The following WWOX variants were observed in gnomAD, a reference collection of about 807,000 sequenced individuals.
WWOX encodes the protein WW domain containing oxidoreductase.
WWOX carries 69 observed loss-of-function variants against 46.2 expected under a neutral mutation model. The observed-to-expected ratio is 1.49, with a 90% confidence interval of 1.23 to 1.82. The LOEUF (loss-of-function observed/expected upper bound fraction) is 1.82. Among genes scored for constraint, WWOX ranks in the 40% most tolerant of loss-of-function variants. WWOX has a pLI of 0.00. For synonymous variants in WWOX, 359 were observed against 202.6 expected, an observed-to-expected ratio of 1.77 and a Z score of -6.56; for missense variants, 919 against 542.6, an observed-to-expected ratio of 1.69 and a Z score of -6.89.
chr16:78,310,410 A>G (rs1427753120), intron 5 of WWOX, among the ~76,000 whole-genome samples: 2 of 152,252 alleles, frequency 1.3e-5, no homozygotes, highest in African/African-American at 4.8e-5. Flanking sequence ...AATAACAAAC[A>G]CATGCTGATT....
intron 8 of WWOX, among the ~76,000 whole-genome samples, chr16:78,750,740 C>T (rs376976990): frequency 1.2e-4 from 18 of 152,078 alleles, no homozygotes; most frequent in South Asian, 6.2e-4. Context: ...TAAGAACATG[C>T]GGTATTTGGT....
At chr16:78,584,923 C>T (rs528519745) in intron 8 of WWOX, among the ~76,000 whole-genome samples, 7 of 152,184 alleles carry the variant, frequency 4.6e-5, no homozygotes, top group South Asian at 2.1e-4. Context: ...ATTTTTCTCC[C>T]GCCTCGGTCA....
At chr16:78,281,724 C>A (rs1048251433) in intron 5 of WWOX, among the ~76,000 whole-genome samples, 4 of 151,750 alleles carry the variant, frequency 2.6e-5, no homozygotes, top group African/African-American at 7.3e-5. Flanking sequence ...ATTATTCTTT[C>A]CCCCCCGCCC....
intron 8 of WWOX, among the ~76,000 whole-genome samples, chr16:79,102,572 A>G (rs2049223349): frequency 6.6e-6 from 1 of 152,244 alleles, no homozygotes; most frequent in Admixed American, 6.5e-5. Context: ...GAAGCTCAAT[A>G]TATAGCAAAC....
At chr16:78,718,338 CA>C (rs963720589) in intron 8 of WWOX, among the ~76,000 whole-genome samples, 1 of 148,120 alleles carries the variant, frequency 6.8e-6, no homozygotes, top group Non-Finnish European at 1.5e-5. Flanking sequence ...ATTGTGGTGC[CA>C]AAAAAATTTA....
intron 8 of WWOX, among the ~76,000 whole-genome samples, chr16:79,113,386 C>T (rs975805417): frequency 3.9e-5 from 6 of 152,222 alleles, no homozygotes; most frequent in African/African-American, 1.4e-4. Context: ...TACTTACCCA[C>T]CAGATCCTCA....
rs2040451107 is a variant in WWOX at position 78,816,250 on chromosome 16, G to C, written c.1056+383498G>C. 2.0e-5 allele frequency among the ~76,000 whole-genome samples: 3 copies of C among 152,200 alleles called. No homozygotes were observed. In the South Asian group the frequency reaches 6.2e-4, roughly 32 times the overall value. On this transcript the variant is annotated intron_variant, in intron 8 of 8. Transcript: ENST00000566780. ...TAGGACCAGGAAGCCAGAGAAAGAGGGCACCCTTTTCTTTTCTAGCATTTG... is the reference window on the plus strand; with the variant it reads ...TAGGACCAGGAAGCCAGAGAAAGAGCGCACCCTTTTCTTTTCTAGCATTTG...
intron 8 of WWOX, among the ~76,000 whole-genome samples, chr16:79,191,068 C>A (rs886341163): frequency 1.3e-5 from 2 of 152,006 alleles, no homozygotes; most frequent in African/African-American, 4.8e-5. Context: ...TTTTAAGAGA[C>A]GGGGTCTCGC....
chr16:78,845,570 C>T (rs1260477628), intron 8 of WWOX, among the ~76,000 whole-genome samples: 1 of 152,106 alleles, frequency 6.6e-6, no homozygotes, highest in Non-Finnish European at 1.5e-5. Context: ...TTTTCCAATG[C>T]CATATAATTT....
chr16:79,042,888 T>C (rs1411323529), intron 8 of WWOX, among the ~76,000 whole-genome samples: 1 of 152,232 alleles, frequency 6.6e-6, no homozygotes, highest in Non-Finnish European at 1.5e-5. Flanking sequence ...CTTCTATTCA[T>C]GTGTCCCTGG....
chr16:78,167,124 T>A (rs2035000202), intron 5 of WWOX: 1 of 152,232 alleles, frequency 6.6e-6, no homozygotes, highest in Non-Finnish European at 1.5e-5. Flanking sequence ...TTTGCATCAT[T>A]AAATTTATCC....
At chr16:78,596,696 G>C (rs2045499525) in intron 8 of WWOX, among the ~76,000 whole-genome samples, 1 of 152,170 alleles carries the variant, frequency 6.6e-6, no homozygotes, top group African/African-American at 2.4e-5. Context: ...AATCAGTTGA[G>C]AGGTAAGCCG....
chr16:78,879,803 G>A (rs987412582), intron 8 of WWOX, among the ~76,000 whole-genome samples: 4 of 151,972 alleles, frequency 2.6e-5, no homozygotes, highest in Non-Finnish European at 4.4e-5. Flanking sequence ...CTTGAACTTG[G>A]GAGGCAGAGG....
chr16:78,737,263 C>G (rs917531132), intron 8 of WWOX, among the ~76,000 whole-genome samples: 26 of 151,390 alleles, frequency 1.7e-4, no homozygotes, highest in African/African-American at 2.2e-4. Context: ...CCATACTTCG[C>G]TAATTTTTGT....
At chr16:78,204,841 G>A (rs1212020476) in intron 5 of WWOX, among the ~76,000 whole-genome samples, 1 of 152,112 alleles carries the variant, frequency 6.6e-6, no homozygotes, top group African/African-American at 2.4e-5. Context: ...AGACCCTGTT[G>A]ATTTTTATGT....
intron 8 of WWOX, among the ~76,000 whole-genome samples, chr16:78,481,140 C>A (rs948059137): frequency 1.3e-5 from 2 of 152,184 alleles, no homozygotes; most frequent in Non-Finnish European, 2.9e-5. Context: ...TAACCTATAC[C>A]ATTCCTGGAG....
At chr16:78,947,583 C>T (rs576216370) in intron 8 of WWOX, among the ~76,000 whole-genome samples, 67 of 152,292 alleles carry the variant, frequency 4.4e-4, no homozygotes, top group Admixed American at 9.8e-4. Context: ...AGGGATGGCC[C>T]TTGATAAGGC....
intron 8 of WWOX, among the ~76,000 whole-genome samples, chr16:78,567,298 C>G (rs141659962): frequency 6.6e-6 from 1 of 151,956 alleles, no homozygotes; most frequent in Non-Finnish European, 1.5e-5. Context: ...GTAATCCCAG[C>G]ACTTTGGGAG....
chr16:78,665,842 GC>G (rs2047318836), intron 8 of WWOX, among the ~76,000 whole-genome samples: 1 of 152,200 alleles, frequency 6.6e-6, no homozygotes, highest in Middle Eastern at 3.4e-3. Context: ...GCACCACCAT[GC>G]CCGGCTAATT....
Sources: allele counts gnomAD v4.1 joint callset (sites outside exome capture counted in the v4.1 genomes callset), GRCh38; gene constraint gnomAD v4.1.1; transcripts MANE v1.5; gene names NCBI Gene and HGNC (gene_info 2026-07-23, HGNC 2026-07-21).